Variants in DLG2 observed in about 807,000 individuals in gnomAD.
DLG2 encodes the protein discs large MAGUK scaffold protein 2, also known as disks large homolog 2.
A neutral mutation model predicts 132.5 loss-of-function variants in DLG2; 45 were observed. The ratio of observed to expected loss-of-function variants is 0.34; its 90% CI spans 0.27 to 0.44. The LOEUF (loss-of-function observed/expected upper bound fraction) is 0.44. Among genes scored for constraint, DLG2 ranks in the 20% least tolerant of loss-of-function variants. The pLI is 1.00. For synonymous variants in DLG2, 424 were observed against 419.6 expected, an observed-to-expected ratio of 1.01 and a Z score of -0.13; for missense variants, 1,045 against 1,196.9, an observed-to-expected ratio of 0.87 and a Z score of 1.87.
chr11:85,454,691 C>T (rs1489582240), intron 3 of DLG2, among the ~76,000 whole-genome samples: 1 of 152,130 alleles, frequency 6.6e-6, no homozygotes, highest in African/African-American at 2.4e-5. Context: ...TTTAATACAT[C>T]TTCAGTTGAT....
intron 7 of DLG2, among the ~76,000 whole-genome samples, chr11:84,383,098 C>T (rs1219542520): frequency 6.6e-6 from 1 of 151,986 alleles, no homozygotes; most frequent in Admixed American, 6.6e-5. Context: ...TTTTGGCATA[C>T]TCCTTAATTC....
intron 6 of DLG2, among the ~76,000 whole-genome samples, chr11:84,701,443 C>A (rs979134169): frequency 6.6e-6 from 1 of 151,578 alleles, no homozygotes; most frequent in Non-Finnish European, 1.5e-5. Context: ...AGGGAAAATG[C>A]ATGTAGCATA....
chr11:84,342,485 C>T (rs554858670), intron 7 of DLG2, among the ~76,000 whole-genome samples: 3 of 152,016 alleles, frequency 2.0e-5, no homozygotes, highest in East Asian at 3.9e-4. Flanking sequence ...GTGGAGAGTA[C>T]AGTAAATACC....
rs1029300522 is a variant in DLG2 at position 85,357,686 on chromosome 11, G to A, written c.41-72321C>T. ...TATGGCTACTATATATGTACAATAC[G>A]CCAGGCACTGTTCTGAATTATATAT... On this transcript the variant is annotated intron_variant, in intron 3 of 27. Coordinates refer to ENST00000376104, the MANE Select transcript of DLG2 (RefSeq NM_001142699.3). 1.1e-4 allele frequency among the ~76,000 whole-genome samples: 14 copies of A among 130,952 alleles called. 1 individual carries two copies. Among genetic ancestry groups the A allele is most frequent in the South Asian group, 8.2e-4 (3 of 3,656 alleles). The allele number at this position is 130,952 out of a possible 152,430, so 85.9% of individuals were successfully genotyped here. A position where few individuals can be genotyped will look rare whatever the true frequency, so the allele number is the denominator to read the frequency against.
chr11:83,995,035 C>T (rs539064293), intron 11 of DLG2, among the ~76,000 whole-genome samples: 47 of 147,590 alleles, frequency 3.2e-4, no homozygotes, highest in Middle Eastern at 7.0e-3. Flanking sequence ...TCTACCAGTA[C>T]GACCTCATCT....
intron 6 of DLG2, among the ~76,000 whole-genome samples, chr11:84,574,658 C>A (rs1343872604): frequency 1.3e-5 from 2 of 152,158 alleles, no homozygotes; most frequent in African/African-American, 2.4e-5. Context: ...CTTTACTATG[C>A]CTGCTATCAC....
intron 8 of DLG2, among the ~76,000 whole-genome samples, chr11:84,237,466 G>T (rs1440056577): frequency 6.6e-6 from 1 of 152,094 alleles, no homozygotes; most frequent in East Asian, 1.9e-4. Flanking sequence ...TTTCCTTCAT[G>T]TGACAGCTCA....
intron 9 of DLG2, among the ~76,000 whole-genome samples, chr11:84,159,741 C>T (rs777155324): frequency 1.3e-4 from 20 of 152,000 alleles, no homozygotes; most frequent in Non-Finnish European, 2.5e-4. Flanking sequence ...AGGAGAACAG[C>T]AGGGTAAAAG....
intron 15 of DLG2, among the ~76,000 whole-genome samples, chr11:83,903,855 TG>T (rs1276422744): frequency 6.6e-6 from 1 of 152,206 alleles, no homozygotes; most frequent in African/African-American, 2.4e-5. Flanking sequence ...TCAGTGGAAA[TG>T]TGCCAAGATT....
intron 18 of DLG2, among the ~76,000 whole-genome samples, chr11:83,732,317 C>T (rs547939191): frequency 2.0e-5 from 3 of 152,270 alleles, no homozygotes; most frequent in African/African-American, 7.2e-5. Context: ...GGGTAACATT[C>T]TCCCCTTACT....
At chr11:85,522,311 C>T (rs1176438169) in intron 3 of DLG2, among the ~76,000 whole-genome samples, 1 of 152,168 alleles carries the variant, frequency 6.6e-6, no homozygotes, top group Non-Finnish European at 1.5e-5. Context: ...GGAACCTCTC[C>T]CTAGGTTTCA....
At chr11:84,315,019 T>C (rs1431827413) in intron 7 of DLG2, among the ~76,000 whole-genome samples, 1 of 152,098 alleles carries the variant, frequency 6.6e-6, no homozygotes, top group African/African-American at 2.4e-5. Flanking sequence ...TCACTATTAG[T>C]CCCAGCCAAT....
intron 6 of DLG2, among the ~76,000 whole-genome samples, chr11:84,638,582 C>G (rs565314992): frequency 3.9e-4 from 59 of 152,268 alleles, no homozygotes; most frequent in African/African-American, 1.4e-3. Context: ...CATACTTTAT[C>G]CATTATAAGG....
chr11:85,520,515 C>CCACACACACACACACACA lies in DLG2; in HGVS notation c.40+78124_40+78141dup, dbSNP rs3068471. ...AAATAGTCCTAAAATGTATATGGAA[C>CCACACACACACACACACA]CACACACACACACACACACACACAC... On this transcript the variant is annotated intron_variant, in intron 3 of 27. Coordinates refer to ENST00000376104, the MANE Select transcript of DLG2 (RefSeq NM_001142699.3). Among the ~76,000 whole-genome samples the CCACACACACACACACACA allele has an allele frequency of 7.4e-5, 11 of 148,038 alleles. No homozygotes were observed. The South Asian group carries it at 1.1e-3, about 15-fold the overall frequency.
intron 3 of DLG2, among the ~76,000 whole-genome samples, chr11:85,341,996 G>A (rs1021621942): frequency 2.0e-5 from 3 of 152,172 alleles, no homozygotes; most frequent in Non-Finnish European, 4.4e-5. Context: ...ACCAGGAATG[G>A]AGCTTGTGGG....
chr11:84,840,083 C>G (rs751751532), intron 6 of DLG2, among the ~76,000 whole-genome samples: 37 of 152,238 alleles, frequency 2.4e-4, no homozygotes, highest in Middle Eastern at 3.4e-3. Flanking sequence ...TTTTTGCAAT[C>G]TACCCATCTG....
Position 85,080,297 on chromosome 11 carries a change from C to G in DLG2, c.357+31364G>C, listed in dbSNP as rs1377167928. Among the ~76,000 whole-genome samples, 4 of 151,866 alleles carry G rather than the reference C, an allele frequency of 2.6e-5. No homozygotes were observed. The East Asian group carries it at 7.7e-4, about 29-fold the overall frequency. On this transcript the variant is annotated intron_variant, in intron 6 of 27. Transcript: ENST00000376104. The stretch of plus-strand genomic sequence containing the variant: ...TAGAAAGGAAAGAAGGTAATCTTTT[C>G]TTGTTTGTTTGTTTGTTTTCACTGA...
At chr11:83,534,471 A>G (rs11233659) in intron 20 of DLG2, among the ~76,000 whole-genome samples, 33,442 of 152,122 alleles carry the variant, frequency 0.22, 4,150 homozygotes, top group African/African-American at 0.31. Flanking sequence ...AATTAACAGC[A>G]CACTCCTTTC....
rs181972481 is a variant in DLG2, at chr11:84,308,897, C to T, written c.520-57606G>A. Among the ~76,000 whole-genome samples the T allele has an allele frequency of 6.5e-3, 994 of 152,336 alleles. 4 individuals carry two copies. Among genetic ancestry groups the T allele is most frequent in the Middle Eastern group, 0.01 (3 of 294 alleles). ...GGCCCACAAGCATGGCGCGCAGCCC[C>T]AGTTCCCGCCCGCGCCTCTCCCTCC... On this transcript the variant is annotated intron_variant, in intron 7 of 27. Transcript: ENST00000376104.
Sources: gnomAD v4.1 joint callset for allele counts (sites outside exome capture counted in the v4.1 genomes callset) on GRCh38, gnomAD v4.1.1 for gene constraint, MANE v1.5 for transcripts, NCBI Gene and HGNC (gene_info 2026-07-23, HGNC 2026-07-21) for gene names.